CLDN14: variants seen among roughly 807,000 people sequenced by gnomAD.
The protein encoded by CLDN14 is claudin 14.
In CLDN14, 2 loss-of-function variants were observed where a neutral mutation model predicts 2.1. The observed-to-expected ratio is 0.96, with a 90% CI of 0.39 to 3.01. The LOEUF is 3.01. Among genes scored for constraint, CLDN14 ranks in the 30% most tolerant of loss-of-function variants. The pLI is 0.09. For missense variants in CLDN14, 298 were observed against 328.0 expected (o/e 0.91, Z 0.71); for synonymous variants, 136 against 154.4 (o/e 0.88, Z 0.88).
chr21:36,486,073 G>C, intron 2 of CLDN14: 2 of 1,392,858 alleles, frequency 1.4e-6, no homozygotes, highest in Non-Finnish European at 2.0e-6. Flanking sequence ...TGGCTTCATT[G>C]TTGGGATCCA....
chr21:36,562,353 C>A (rs1332141650), intron 1 of CLDN14, among the ~76,000 whole-genome samples: 2 of 152,120 alleles, frequency 1.3e-5, no homozygotes, highest in Non-Finnish European at 2.9e-5. Context: ...TAGGCTACAG[C>A]CAAGAGATGG....
intron 1 of CLDN14, among the ~76,000 whole-genome samples, chr21:36,517,216 A>G (rs2087235260): frequency 6.6e-6 from 1 of 152,218 alleles, no homozygotes; most frequent in Non-Finnish European, 1.5e-5. Context: ...TGAAATTCAA[A>G]TTTCAGTGTC....
chr21:36,462,049 A>G (rs1043649609), intron 1 of CLDN14, among the ~76,000 whole-genome samples: 3 of 152,172 alleles, frequency 2.0e-5, no homozygotes, highest in African/African-American at 4.8e-5. Flanking sequence ...ACCCTTGAGC[A>G]CTGCTGCTGC....
In CLDN14 at chr21:36,462,247, G is replaced by A. The variant is rs150280873; in HGVS notation, c.-81-471C>T. Among the ~76,000 whole-genome samples the A allele has an allele frequency of 5.4e-4, 83 of 152,308 alleles. No homozygotes were observed. The East Asian group carries it at 0.015, about 27-fold the overall frequency. On this transcript the variant is annotated intron_variant, in intron 1 of 1. Coordinates refer to ENST00000399135, the MANE Select transcript of CLDN14 (RefSeq NM_001146079.2). Reference sequence around the variant, plus strand: ...AGGCAACTTCCCCACCCACGTGCTCGGGCAGGGAGAGGTTTAGTCCCCTCG... The same window carrying A: ...AGGCAACTTCCCCACCCACGTGCTCAGGCAGGGAGAGGTTTAGTCCCCTCG...
intron 1 of CLDN14, among the ~76,000 whole-genome samples, chr21:36,556,047 C>T (rs891482845): frequency 2.0e-5 from 3 of 152,152 alleles, no homozygotes; most frequent in Non-Finnish European, 4.4e-5. Flanking sequence ...CAGTGTTTCA[C>T]TCAGGGGCCC....
In CLDN14 at chr21:36,526,695, A is replaced by C. The variant is rs138765563; in HGVS notation, c.-219-16195T>G. Among the ~76,000 whole-genome samples, 249 of 152,322 alleles carry C rather than the reference A, an allele frequency of 1.6e-3. 5 individuals carry two copies. The East Asian group carries it at 0.045, about 28-fold the overall frequency. On this transcript the variant is annotated intron_variant, in intron 1 of 2. Coordinates refer to the CLDN14 transcript ENST00000342108. ...AAATAAACTTTAAATCCCACCAGGC[A>C]ACCACGGGCACTTCACACTCCTGAG...
intron 2 of CLDN14, among the ~76,000 whole-genome samples, chr21:36,488,783 C>G (rs1164936361): frequency 1.3e-5 from 2 of 151,970 alleles, no homozygotes; most frequent in Non-Finnish European, 2.9e-5. Context: ...CTATGTACTT[C>G]AAATGGCTGA....
chr21:36,463,917 CAAAA>C (rs993022709), intron 1 of CLDN14, among the ~76,000 whole-genome samples: 4 of 152,106 alleles, frequency 2.6e-5, no homozygotes, highest in Non-Finnish European at 5.9e-5. Context: ...AATGAACAAA[CAAAA>C]ATAAATAATA....
In CLDN14 at chr21:36,544,794, G is replaced by A. The variant is rs2087516104; in HGVS notation, c.-220+31617C>T. On this transcript the variant is annotated intron_variant, in intron 1 of 2. Coordinates refer to the CLDN14 transcript ENST00000342108. The surrounding 1 kb of genome is among the most constrained non-coding windows in gnomAD (Gnocchi z 4.1). ...GGGGCAAGACTGCAAGGACATCCGC[G>A]AAGTAAGACATGTGCACAGAGCAAC... Among the ~76,000 whole-genome samples the A allele has an allele frequency of 2.0e-5, 3 of 152,174 alleles. No individual in the cohort carries two copies. Among genetic ancestry groups the A allele is most frequent in the Admixed American group, 2.0e-4 (3 of 15,278 alleles).
At chr21:36,526,021 C>G (rs1411124653) in intron 1 of CLDN14, among the ~76,000 whole-genome samples, 2 of 152,166 alleles carry the variant, frequency 1.3e-5, no homozygotes, top group African/African-American at 4.8e-5. Flanking sequence ...CTCTGACTTT[C>G]TCCAGCTCAG....
intron 1 of CLDN14, among the ~76,000 whole-genome samples, chr21:36,462,950 A>C (rs979617458): frequency 4.6e-5 from 7 of 151,766 alleles, no homozygotes; most frequent in African/African-American, 1.5e-4. Context: ...AACAAAAAAA[A>C]ACACTAGGAA....
chr21:36,462,134 G>A lies in CLDN14; in HGVS notation c.-81-358C>T, dbSNP rs535211039. Among the ~76,000 whole-genome samples the A allele has an allele frequency of 6.6e-5, 10 of 152,296 alleles. No individual in the cohort carries two copies. In the East Asian group the frequency reaches 1.7e-3, roughly 26 times the overall value. ...TGTTAAATCAACATGTATTATTCAT[G>A]CCTTGGACTGACAGTGCTAAGGTGT... On this transcript the variant is annotated intron_variant, in intron 1 of 1. Transcript: ENST00000399135.
At chr21:36,563,341 C>T (rs934134982) in intron 1 of CLDN14, among the ~76,000 whole-genome samples, 5 of 152,032 alleles carry the variant, frequency 3.3e-5, no homozygotes, top group African/African-American at 9.7e-5. Context: ...GTTTAGGCTA[C>T]CCAACTGGAT....
upstream of CLDN14, among the ~76,000 whole-genome samples, chr21:36,483,373 A>G (rs1238518072): frequency 6.6e-6 from 1 of 152,250 alleles, no homozygotes; most frequent in African/African-American, 2.4e-5. Flanking sequence ...GGAGGGCTGC[A>G]CAAATGCATC....
chr21:36,525,445 T>A (rs7510508), intron 1 of CLDN14, among the ~76,000 whole-genome samples: 113,183 of 151,506 alleles, frequency 0.75, 43,418 homozygotes, highest in Non-Finnish European at 0.85. Flanking sequence ...GAAAAGGTTC[T>A]GAGGCCAGGG....
Position 36,530,051 on chromosome 21 carries a change from C to A in CLDN14, c.-219-19551G>T, listed in dbSNP as rs191144965. On this transcript the variant is annotated intron_variant, in intron 1 of 2. Coordinates refer to the CLDN14 transcript ENST00000342108. ...CATGATTTGCTTATGCTTCACCCTT[C>A]CTTTCAGTTAAAGATTAAGTCTTTG... Among the ~76,000 whole-genome samples, 535 of 152,296 alleles carry A rather than the reference C, an allele frequency of 3.5e-3. 8 individuals are homozygous for A. The highest frequency in any genetic ancestry group is 0.018 in the Admixed American group (279 of 15,302).
At chr21:36,508,666 G>A (rs1054231010) in intron 2 of CLDN14, among the ~76,000 whole-genome samples, 7 of 152,302 alleles carry the variant, frequency 4.6e-5, no homozygotes, top group Middle Eastern at 6.8e-3. Context: ...CAAGGACACC[G>A]GAGCACTGAG....
chr21:36,555,250 G>A (rs886490170), intron 1 of CLDN14, among the ~76,000 whole-genome samples: 2 of 152,086 alleles, frequency 1.3e-5, no homozygotes, highest in Non-Finnish European at 2.9e-5. Flanking sequence ...GAATTGCCAA[G>A]ATATAGCAGG....
chr21:36,517,467 A>G (rs2087237481), intron 1 of CLDN14, among the ~76,000 whole-genome samples: 1 of 152,206 alleles, frequency 6.6e-6, no homozygotes, highest in South Asian at 2.1e-4. Context: ...GATGCTGCCA[A>G]TCTTTTGGCA....
Sources: allele counts gnomAD v4.1 joint callset (sites outside exome capture counted in the v4.1 genomes callset), GRCh38; gene constraint gnomAD v4.1.1; non-coding constraint Gnocchi (gnomAD v3.1); transcripts MANE v1.5; gene names NCBI Gene and HGNC (gene_info 2026-07-23, HGNC 2026-07-21).